ANKRD50: variants seen among roughly 807,000 people sequenced by gnomAD.
ANKRD50 encodes ankyrin repeat domain 50.
Under a neutral mutation model 112.0 loss-of-function variants are expected in ANKRD50, and 40 were observed. The ratio of observed to expected loss-of-function variants is 0.36; its 90% CI spans 0.28 to 0.46. The LOEUF is 0.46. Ranked by LOEUF, ANKRD50 falls within the 20% of genes least tolerant of loss-of-function variation. The pLI is 1.00. For missense variants in ANKRD50, 1,487 were observed against 1,701.7 expected, an observed-to-expected ratio of 0.87 and a Z score of 2.22; for synonymous variants, 613 against 619.1, an observed-to-expected ratio of 0.99 and a Z score of 0.15.
chr4:124,682,554 A>C (rs1436630012), intron 2 of ANKRD50, among the ~76,000 whole-genome samples: 1 of 152,060 alleles, frequency 6.6e-6, no homozygotes, highest in Admixed American at 6.6e-5. Flanking sequence ...CTATATTTTG[A>C]AGTTCTGTTT....
Position 124,664,470 on chromosome 4 carries a change from T to A in ANKRD50, c.*3048A>T, listed in dbSNP as rs1418665583. 4.6e-5 allele frequency: 7 copies of A among 152,428 alleles called. No homozygotes were observed. Among genetic ancestry groups the A allele is most frequent in the Non-Finnish European group, 1.0e-4 (7 of 67,900 alleles). 9.4% of individuals were successfully genotyped at this position (152,428 alleles called of 1,614,324 possible). On this transcript the variant is annotated 3_prime_UTR_variant, in exon 5 of 5. Transcript: ENST00000504087. ...ATGTTCTACTGGTTCAAGGACAAAA[T>A]TAAAACAAGATCTTCTCTGTAAAGC... is the stretch of plus-strand genomic sequence containing the variant.
Position 124,710,026 on chromosome 4 carries a change from C to T in ANKRD50, c.486G>A (p.Glu162=). ...VQSLLQPGEC[E]RNPAEAFKRC... Reference sequence around the variant, plus strand: ...TTTTAAATGCTTCGGCTGGGTTTCTCTCGCACTCCCCAGGCTGTAAGAGGC... The same window carrying T: ...TTTTAAATGCTTCGGCTGGGTTTCTTTCGCACTCCCCAGGCTGTAAGAGGC... Residue 162 remains glutamate (E), a synonymous_variant, in exon 2 of 5, where the codon GAG becomes GAA. Transcript: ENST00000504087. 1 of 1,613,068 alleles carries T rather than the reference C, an allele frequency of 6.2e-7. No individual in the cohort carries two copies. The highest frequency in any genetic ancestry group is 1.1e-5 in the South Asian group (1 of 91,054).
At chr4:124,674,316 A>G (rs539171017) in intron 3 of ANKRD50, among the ~76,000 whole-genome samples, 9 of 152,054 alleles carry the variant, frequency 5.9e-5, no homozygotes, top group African/African-American at 1.9e-4. Context: ...TAAAATTTAA[A>G]CCTAATTAAC....
rs1294746051 is a variant in ANKRD50, at chr4:124,671,580, G to C, written c.1697C>G (p.Ser566Cys). Reference sequence around the variant, plus strand: ...TTCTATCTCTAAATCTGCTCCCCTAGAGACAAGTAAATTGACTACATCAAG... The same window carrying C: ...TTCTATCTCTAAATCTGCTCCCCTACAGACAAGTAAATTGACTACATCAAG... Reference protein sequence around the residue: ...GSLDVVNLLVSRGADLEIEDA... With the variant: ...GSLDVVNLLVCRGADLEIEDA... Residue 566 changes from serine to cysteine, a missense_variant, in exon 4 of 5, where the codon TCT becomes TGT. Ser to Cys is a moderately radical substitution (Grantham distance 112). Transcript: ENST00000504087. 1.2e-6 allele frequency: 2 copies of C among 1,613,800 alleles called. No homozygotes were observed. The highest frequency in any genetic ancestry group is 4.5e-5 in the East Asian group (2 of 44,868).
chr4:124,667,685 T>A (rs1730529030), intron 4 of ANKRD50, among the ~76,000 whole-genome samples, 171 bp from the exon 5 acceptor site: 1 of 152,000 alleles, frequency 6.6e-6, no homozygotes, highest in East Asian at 1.9e-4. Context: ...CTTTTTAAAT[T>A]CCACAAAATG....
rs1315382765 is a variant in ANKRD50, at chr4:124,710,591, ATTAAG to A, written c.-85_-81del. On this transcript the variant is annotated 5_prime_UTR_variant, in exon 2 of 5. Coordinates refer to ENST00000504087, the MANE Select transcript of ANKRD50 (RefSeq NM_020337.3). Reference sequence around the variant, plus strand: ...CCATCCATTATGACATAACTTGTATATTAAGTTGACTCTGAAGACAGAGTAACTAG... The same window carrying A: ...CCATCCATTATGACATAACTTGTATATTGACTCTGAAGACAGAGTAACTAG... 4 of 1,461,414 alleles carry A rather than the reference ATTAAG, an allele frequency of 2.7e-6. No individual in the cohort carries two copies. The African/African-American group carries it at 5.6e-5, about 21-fold the overall frequency. The allele number at this position is 1,461,414 out of a possible 1,614,324, so 90.5% of individuals were successfully genotyped here.
chr4:124,675,190 C>T (rs996627041), intron 3 of ANKRD50, among the ~76,000 whole-genome samples: 1 of 151,706 alleles, frequency 6.6e-6, no homozygotes, highest in Non-Finnish European at 1.5e-5. Context: ...TCTATTCTTA[C>T]TTGAACTTTT....
intron 2 of ANKRD50, among the ~76,000 whole-genome samples, chr4:124,706,649 T>C (rs938082734): frequency 6.6e-6 from 1 of 152,092 alleles, no homozygotes; most frequent in Non-Finnish European, 1.5e-5. Flanking sequence ...TCTATAACTA[T>C]TAAAATTGTT....
At position 124,670,707 on chromosome 4, in the gene ANKRD50, T is replaced by C. The variant is rs777677365; in HGVS notation, c.2570A>G (p.Glu857Gly). 6.2e-7 allele frequency: 1 copy of C among 1,613,294 alleles called. No homozygotes were observed. The highest frequency in any genetic ancestry group is 2.2e-5 in the East Asian group (1 of 44,862). Residue 857 changes from glutamate to glycine, a missense_variant, in exon 4 of 5, where the codon GAA becomes GGA. By Grantham distance (98) the Glu-to-Gly change is moderately conservative. This residue lies in a region of ANKRD50 where 1,046 missense variants were observed against 1,269.5 expected (regional missense o/e 0.82). Coordinates refer to ENST00000504087, the MANE Select transcript of ANKRD50 (RefSeq NM_020337.3). ...GWTPLHMAAF[E>G]GHRLICEALI... ...TGCTTCACATATCAATCTGTGCCCT[T>C]CAAAAGCTGCCATGTGCAAAGGTGT...
intron 3 of ANKRD50, 85 bp downstream of exon 3, chr4:124,678,591 G>T: frequency 8.2e-7 from 1 of 1,224,888 alleles, no homozygotes. Context: ...GCAACACGCA[G>T]ATGTTCAACT....
chr4:124,687,359 T>C (rs1725030655), intron 2 of ANKRD50, among the ~76,000 whole-genome samples: 1 of 152,062 alleles, frequency 6.6e-6, no homozygotes, highest in Non-Finnish European at 1.5e-5. Flanking sequence ...TCAATACATA[T>C]CTCTCACCCC....
chr4:124,690,360 G>C (rs1475532225), intron 2 of ANKRD50, among the ~76,000 whole-genome samples: 1 of 152,108 alleles, frequency 6.6e-6, no homozygotes, highest in Non-Finnish European at 1.5e-5. Context: ...CTTGATAACT[G>C]ATCTTTTCTT....
Position 124,710,534 on chromosome 4 carries a change from G to T in ANKRD50, c.-23C>A. The T allele has an allele frequency of 1.9e-6, 3 of 1,592,294 alleles. No individual in the cohort carries two copies. Among genetic ancestry groups the T allele is most frequent in the Non-Finnish European group, 2.6e-6 (3 of 1,173,722 alleles). On this transcript the variant is annotated 5_prime_UTR_variant, in exon 2 of 5. Transcript: ENST00000504087. ...CATAACGGGTTTTTTATCTTCATTTGCTAGAGTCTGGATACATCAACACAG... is the reference window on the plus strand; with the variant it reads ...CATAACGGGTTTTTTATCTTCATTTTCTAGAGTCTGGATACATCAACACAG...
chr4:124,684,526 A>T (rs978474964), intron 2 of ANKRD50, among the ~76,000 whole-genome samples: 2 of 151,992 alleles, frequency 1.3e-5, no homozygotes, highest in Admixed American at 1.3e-4. Context: ...TTCTTTCTAT[A>T]TGCTTATCTG....
intron 3 of ANKRD50, among the ~76,000 whole-genome samples, chr4:124,673,670 G>A (rs1196888207): frequency 6.6e-6 from 1 of 152,034 alleles, no homozygotes; most frequent in Non-Finnish European, 1.5e-5. Context: ...TCTGCCAACA[G>A]GACTGAAAAA....
rs139202658 is a variant in ANKRD50, at chr4:124,669,689, T to A, written c.3588A>T (p.Ser1196=). ...GCACTGTTTGAGCCGTTGCTGTAGATGAAGTAGTTCTCAAAGATGAATTTT... is the reference window on the plus strand; with the variant it reads ...GCACTGTTTGAGCCGTTGCTGTAGAAGAAGTAGTTCTCAAAGATGAATTTT... ...SSKNSSLRTT[S]STATAQTVPI... Residue 1196 remains serine, a synonymous_variant, in exon 4 of 5, where the codon TCA becomes TCT. Transcript: ENST00000504087. 1.9e-4 allele frequency: 309 copies of A among 1,613,060 alleles called. No homozygotes were observed. In the African/African-American group the frequency reaches 3.9e-3, roughly 20 times the overall value.
intron 2 of ANKRD50, among the ~76,000 whole-genome samples, chr4:124,688,480 T>C (rs2110518132): frequency 6.6e-6 from 1 of 152,284 alleles, no homozygotes; most frequent in Non-Finnish European, 1.5e-5. Flanking sequence ...TATAAACCTG[T>C]ACTCTACAAA....
intron 2 of ANKRD50, among the ~76,000 whole-genome samples, chr4:124,693,845 A>T (rs1725191426): frequency 6.6e-6 from 1 of 152,158 alleles, no homozygotes; most frequent in African/African-American, 2.4e-5. Context: ...TTTGATGCTA[A>T]ATTTCACCTA....
intron 3 of ANKRD50, among the ~76,000 whole-genome samples, chr4:124,673,448 A>G (rs1730705145): frequency 6.6e-6 from 1 of 152,124 alleles, no homozygotes; most frequent in South Asian, 2.1e-4. Flanking sequence ...TAAAGGAAAA[A>G]CGATTTTTAA....
Sources: allele counts gnomAD v4.1 joint callset (sites outside exome capture counted in the v4.1 genomes callset), GRCh38; gene constraint gnomAD v4.1.1; regional missense constraint gnomAD v4.1.1; transcripts MANE v1.5; gene names NCBI Gene and HGNC (gene_info 2026-07-23, HGNC 2026-07-21).